The following ELK3 variants were observed in gnomAD, a reference collection of about 807,000 sequenced individuals.
The protein encoded by ELK3 is ETS domain-containing protein Elk-3.
ELK3 carries 10 observed loss-of-function variants against 28.9 expected under a neutral mutation model. That is an observed-to-expected ratio of 0.35 (90% confidence interval 0.21 to 0.59). The LOEUF (loss-of-function observed/expected upper bound fraction) is 0.59, where lower values mean the gene tolerates loss of function less well. ELK3 is among the 20% of genes least tolerant of loss of function. ELK3 has a pLI of 0.82. For missense variants in ELK3, 463 were observed against 517.3 expected (o/e 0.90, Z 1.02); for synonymous variants, 272 against 243.5 (o/e 1.12, Z -1.09).
At position 96,223,843 on chromosome 12, in the gene ELK3, A is replaced by G; in HGVS notation, c.207+70A>G. 2.0e-6 allele frequency: 3 copies of G among 1,465,404 alleles called. No homozygotes were observed. The East Asian group carries it at 6.9e-5, about 34-fold the overall frequency. 90.8% of individuals were successfully genotyped at this position (1,465,404 alleles called of 1,614,324 possible). On this transcript the variant is annotated intron_variant, in intron 2 of 4. Coordinates refer to ENST00000228741, the MANE Select transcript of ELK3 (RefSeq NM_005230.4). Reference sequence around the variant, plus strand: ...TCCCCTCTGCGTAGTTCACTGATGAAAGAAAATAATAGCGTGCTATGAATC... The same window carrying G: ...TCCCCTCTGCGTAGTTCACTGATGAGAGAAAATAATAGCGTGCTATGAATC...
At chr12:96,260,883 T>G (rs777716383) in intron 4 of ELK3, among the ~76,000 whole-genome samples, 6 of 152,212 alleles carry the variant, frequency 3.9e-5, no homozygotes, top group Non-Finnish European at 5.9e-5. Context: ...CTTTGTATTA[T>G]GATTGCCTGT....
intron 1 of ELK3, among the ~76,000 whole-genome samples, chr12:96,197,324 C>A (rs182387165): frequency 3.4e-4 from 52 of 152,168 alleles, no homozygotes; most frequent in Non-Finnish European, 7.4e-5. Context: ...GGAGGGTAGA[C>A]GCCAGGGGTG....
At chr12:96,204,626 G>A (rs1453530733) in intron 1 of ELK3, among the ~76,000 whole-genome samples, 6 of 152,132 alleles carry the variant, frequency 3.9e-5, no homozygotes, top group Admixed American at 2.6e-4. Flanking sequence ...AAATAAGCCC[G>A]AAATTATTCT....
intron 1 of ELK3, among the ~76,000 whole-genome samples, chr12:96,203,636 C>A (rs558628116): frequency 1.3e-5 from 2 of 152,092 alleles, no homozygotes; most frequent in African/African-American, 4.8e-5. Flanking sequence ...ATAGGCAGAT[C>A]TCTTGGTTAA....
At chr12:96,261,259 A>G (rs1373304383) in intron 4 of ELK3, among the ~76,000 whole-genome samples, 7 of 152,038 alleles carry the variant, frequency 4.6e-5, no homozygotes, top group Admixed American at 3.9e-4. Context: ...TCATGAAGTG[A>G]CCATATCCTT....
chr12:96,260,984 C>T (rs1951988902), intron 4 of ELK3, among the ~76,000 whole-genome samples: 1 of 152,162 alleles, frequency 6.6e-6, no homozygotes, highest in African/African-American at 2.4e-5. Flanking sequence ...TGGCACATGG[C>T]TTGGTACACA....
intron 1 of ELK3, among the ~76,000 whole-genome samples, chr12:96,208,154 C>T (rs934174010): frequency 1.7e-4 from 26 of 152,226 alleles, no homozygotes; most frequent in African/African-American, 6.0e-4. Context: ...CAGCTCCTAG[C>T]GATTCTCCTG....
rs142263510 is a variant in ELK3 at position 96,247,137 on chromosome 12, C to A, written c.405C>A (p.Asn135Lys). 6.8e-6 allele frequency: 11 copies of A among 1,614,024 alleles called. No homozygotes were observed. The highest frequency in any genetic ancestry group is 9.3e-6 in the Non-Finnish European group (11 of 1,179,932). Reference protein sequence around the residue: ...GLAALRSTSRNEYIHSGLYSS... With the variant: ...GLAALRSTSRKEYIHSGLYSS... ...CCGCCCTCAGAAGCACGAGCCGCAACGAATACATCCACTCAGGCCTGTACT... is the reference window on the plus strand; with the variant it reads ...CCGCCCTCAGAAGCACGAGCCGCAAAGAATACATCCACTCAGGCCTGTACT... Residue 135 changes from asparagine to lysine, a missense_variant, in exon 3 of 5, where the codon AAC becomes AAA. Physicochemically the swap from Asn to Lys is moderately conservative, Grantham distance 94. Transcript: ENST00000228741. This position sits in a 1 kb window ranked among gnomAD's most constrained non-coding sequence, Gnocchi z 5.5.
At chr12:96,217,248 C>A (rs533654945) in intron 1 of ELK3, among the ~76,000 whole-genome samples, 17 of 152,170 alleles carry the variant, frequency 1.1e-4, no homozygotes, top group South Asian at 1.0e-3. Context: ...GAGACCTAGT[C>A]GAAAAGAAAA....
intron 2 of ELK3, among the ~76,000 whole-genome samples, chr12:96,233,819 C>T (rs932184755): frequency 2.6e-5 from 4 of 152,196 alleles, no homozygotes; most frequent in Admixed American, 6.5e-5. Flanking sequence ...ACCTGGACTC[C>T]CTTTGGGGTG....
chr12:96,226,515 CCCACACAGATGTCCACATGT>C (rs920030035), intron 2 of ELK3, among the ~76,000 whole-genome samples: 1 of 87,302 alleles, frequency 1.1e-5, no homozygotes, highest in African/African-American at 4.7e-5. Context: ...CACACCCATG[CCCACACAGATGTCCACATGT>C]CCACACAGAT....
At chr12:96,261,575 T>C (rs1422482521) in intron 4 of ELK3, among the ~76,000 whole-genome samples, 3 of 152,214 alleles carry the variant, frequency 2.0e-5, no homozygotes, top group African/African-American at 4.8e-5. Flanking sequence ...ATTGTTATAC[T>C]ACTCTAATCC....
intron 3 of ELK3, among the ~76,000 whole-genome samples, chr12:96,256,175 A>T (rs1165736210): frequency 6.6e-6 from 1 of 152,096 alleles, no homozygotes; most frequent in African/African-American, 2.4e-5. Flanking sequence ...CTGTAAGGTG[A>T]TAGGGGCTTG....
intron 1 of ELK3, among the ~76,000 whole-genome samples, chr12:96,216,481 C>T (rs1326476159): frequency 6.6e-6 from 1 of 152,148 alleles, no homozygotes; most frequent in Non-Finnish European, 1.5e-5. Context: ...TCCAAGTCAC[C>T]TTATAAACCA....
At chr12:96,197,221 T>G (rs189282362) in intron 1 of ELK3, among the ~76,000 whole-genome samples, 13 of 152,320 alleles carry the variant, frequency 8.5e-5, no homozygotes, top group Admixed American at 5.2e-4. Context: ...CGTTAGTGGT[T>G]CACAACTAGG....
intron 2 of ELK3, among the ~76,000 whole-genome samples, chr12:96,241,956 A>G (rs552929815): frequency 6.6e-6 from 1 of 152,328 alleles, no homozygotes; most frequent in Non-Finnish European, 1.5e-5. Context: ...GCAAATACGT[A>G]TTTAATGGGA....
chr12:96,250,150 G>A (rs989898129), intron 3 of ELK3, among the ~76,000 whole-genome samples: 2 of 152,210 alleles, frequency 1.3e-5, no homozygotes, highest in African/African-American at 2.4e-5. Flanking sequence ...TCTAAACCAC[G>A]CAAAACTAAG....
chr12:96,210,559 G>GCACACA (rs199706864), intron 1 of ELK3, among the ~76,000 whole-genome samples: 1,740 of 143,102 alleles, frequency 0.012, 28 homozygotes, highest in African/African-American at 0.027. Flanking sequence ...CTGCGCGCGG[G>GCACACA]CGCACGCACA....
rs544519599 is a variant in ELK3 at position 96,230,340 on chromosome 12, T to G, written c.207+6567T>G. The stretch of plus-strand genomic sequence containing the variant: ...ACACATTTCTCAGAACGTAGCCTCA[T>G]CGTTAAGTGATGCATGACTGTATTT... On this transcript the variant is annotated intron_variant, in intron 2 of 4. Transcript: ENST00000228741. 3.5e-4 allele frequency among the ~76,000 whole-genome samples: 53 copies of G among 152,302 alleles called. 2 individuals are homozygous for G. The South Asian group carries it at 8.3e-3, about 24-fold the overall frequency.
Sources: gnomAD v4.1 joint callset for allele counts (sites outside exome capture counted in the v4.1 genomes callset) on GRCh38, gnomAD v4.1.1 for gene constraint, Gnocchi (gnomAD v3.1) non-coding constraint, MANE v1.5 for transcripts, NCBI Gene and HGNC (gene_info 2026-07-23, HGNC 2026-07-21) for gene names.